ADARB2: variants seen among roughly 807,000 people sequenced by gnomAD.
ADARB2 encodes adenosine deaminase RNA specific B2 (inactive).
In ADARB2, 25 loss-of-function variants were observed where a neutral mutation model predicts 62.2. The observed-to-expected ratio is 0.40, with a 90% confidence interval of 0.29 to 0.56. The LOEUF (loss-of-function observed/expected upper bound fraction) is 0.56, where lower values mean the gene tolerates loss of function less well. Ranked by LOEUF, ADARB2 falls within the 20% of genes least tolerant of loss-of-function variation. The pLI, the probability that ADARB2 is intolerant of heterozygous loss-of-function variation, is 0.43. For synonymous variants in ADARB2, 572 were observed against 500.8 expected, an observed-to-expected ratio of 1.14 and a Z score of -1.90; for missense variants, 1,071 against 1,077.4, an observed-to-expected ratio of 0.99 and a Z score of 0.08.
intron 1 of ADARB2, among the ~76,000 whole-genome samples, chr10:1,628,788 G>A (rs1762376505): frequency 6.6e-6 from 1 of 152,206 alleles, no homozygotes; most frequent in Admixed American, 6.5e-5. Context: ...AAACTATGGA[G>A]AAAAATGAAA....
At chr10:1,600,434 G>C (rs1278017555) in intron 1 of ADARB2, among the ~76,000 whole-genome samples, 4 of 152,054 alleles carry the variant, frequency 2.6e-5, no homozygotes, top group Non-Finnish European at 5.9e-5. Flanking sequence ...GCTGAGATGG[G>C]GGGATCATCT....
At chr10:1,546,997 G>A (rs1456011413) in intron 1 of ADARB2, among the ~76,000 whole-genome samples, 5 of 152,226 alleles carry the variant, frequency 3.3e-5, no homozygotes, top group Non-Finnish European at 7.3e-5. Flanking sequence ...TTAGGAACAG[G>A]TCAGTAAACA....
At chr10:1,533,872 C>A (rs908855958) in intron 1 of ADARB2, among the ~76,000 whole-genome samples, 2 of 152,162 alleles carry the variant, frequency 1.3e-5, no homozygotes, top group Non-Finnish European at 2.9e-5. Context: ...GGCTAGTCCA[C>A]GTTCACCACA....
At chr10:1,531,846 GA>G (rs145279941) in intron 1 of ADARB2, among the ~76,000 whole-genome samples, 11,200 of 148,900 alleles carry the variant, frequency 0.075, 436 homozygotes, top group Non-Finnish European at 0.082. Context: ...CAAAAAAAAA[GA>G]AAAAAAAAAT....
chr10:1,510,598 C>T lies in ADARB2; in HGVS notation c.101-131438G>A, dbSNP rs995632361. On this transcript the variant is annotated intron_variant, in intron 1 of 9. Transcript: ENST00000381312. ...CTTAAACTAACTGTGGGAATCATTT[C>T]TTGGTTGAATTTCATATGCATACAT... Among the ~76,000 whole-genome samples the T allele has an allele frequency of 2.0e-5, 3 of 152,168 alleles. No individual in the cohort carries two copies. The South Asian group carries it at 6.2e-4, about 32-fold the overall frequency.
Position 1,601,272 on chromosome 10 carries a change from T to C in ADARB2, c.100+135779A>G, listed in dbSNP as rs116693073. ...GTGGTCACTGGAGCCCAGGCGTCAA[T>C]GACCAAGTGGAAGATAGGCCAGGTG... On this transcript the variant is annotated intron_variant, in intron 1 of 9. Coordinates refer to ENST00000381312, the MANE Select transcript of ADARB2 (RefSeq NM_018702.4). 2.1e-3 allele frequency among the ~76,000 whole-genome samples: 323 copies of C among 152,286 alleles called. 2 individuals carry two copies. The highest frequency in any genetic ancestry group is 7.5e-3 in the African/African-American group (310 of 41,568).
chr10:1,399,753 T>C (rs1030875591), intron 1 of ADARB2, among the ~76,000 whole-genome samples: 10 of 152,326 alleles, frequency 6.6e-5, no homozygotes, highest in African/African-American at 2.4e-4. Flanking sequence ...AGGGAACCAC[T>C]GACCAGGGAA....
chr10:1,520,227 T>C (rs1832056657), intron 1 of ADARB2, among the ~76,000 whole-genome samples: 1 of 152,222 alleles, frequency 6.6e-6, no homozygotes, highest in South Asian at 2.1e-4. Flanking sequence ...AAAATCCAGT[T>C]TCTGACTGAA....
intron 3 of ADARB2, among the ~76,000 whole-genome samples, chr10:1,289,784 G>A (rs995558758): frequency 3.3e-5 from 5 of 152,246 alleles, no homozygotes; most frequent in South Asian, 2.1e-4. Flanking sequence ...TTCACTCCAC[G>A]GTGGGTGTGC....
chr10:1,396,386 G>A (rs1162885505), intron 1 of ADARB2, among the ~76,000 whole-genome samples: 1 of 152,100 alleles, frequency 6.6e-6, no homozygotes, highest in Non-Finnish European at 1.5e-5. Context: ...GTGAGTTTGG[G>A]CTATTTGAAC....
At chr10:1,207,456 T>C (rs1342527068) in intron 7 of ADARB2, among the ~76,000 whole-genome samples, 1 of 152,142 alleles carries the variant, frequency 6.6e-6, no homozygotes, top group Non-Finnish European at 1.5e-5. Context: ...ACCTACACTC[T>C]GAGATTAGAA....
chr10:1,375,335 C>T (rs12780481), intron 2 of ADARB2, among the ~76,000 whole-genome samples: 17,665 of 152,266 alleles, frequency 0.12, 1,051 homozygotes, highest in East Asian at 0.2. Flanking sequence ...AGGGCAGACA[C>T]GCCTTACAAA....
intron 3 of ADARB2, among the ~76,000 whole-genome samples, chr10:1,327,039 GCCCAGCGCCTCCCCACT>G (rs1831863319): frequency 3.2e-5 from 2 of 62,526 alleles, no homozygotes; most frequent in Non-Finnish European, 6.7e-5. Context: ...CCTCCCCACT[GCCCAGCGCCTCCCCACT>G]GCCCAGCGCC....
At chr10:1,641,786 G>T (rs569261785) in intron 1 of ADARB2, among the ~76,000 whole-genome samples, 7 of 152,344 alleles carry the variant, frequency 4.6e-5, no homozygotes, top group African/African-American at 1.4e-4. Context: ...GCCAAGGTGG[G>T]TGGATCACCT....
intron 3 of ADARB2, among the ~76,000 whole-genome samples, chr10:1,305,924 T>C (rs536380459): frequency 1.1e-3 from 161 of 151,604 alleles, no homozygotes; most frequent in African/African-American, 3.8e-3. Flanking sequence ...GAGCTATCTA[T>C]GACAAACCCA....
intron 3 of ADARB2, among the ~76,000 whole-genome samples, chr10:1,309,720 T>G (rs1211387026): frequency 6.6e-6 from 1 of 152,176 alleles, no homozygotes; most frequent in Non-Finnish European, 1.5e-5. Flanking sequence ...TCCAGGCTGG[T>G]GGGGCTGGAG....
chr10:1,566,667 C>CTT (rs1428118419), intron 1 of ADARB2, among the ~76,000 whole-genome samples: 3 of 152,296 alleles, frequency 2.0e-5, no homozygotes, highest in African/African-American at 7.2e-5. Context: ...ATTTGTGTCA[C>CTT]TTTGTTAGAT....
Position 1,541,802 on chromosome 10 carries a change from C to T in ADARB2, c.101-162642G>A, listed in dbSNP as rs1201059837. On this transcript the variant is annotated intron_variant, in intron 1 of 9. Transcript: ENST00000381312. The stretch of plus-strand genomic sequence containing the variant: ...GACCCTGGATCACAGCCGCCCAGAC[C>T]GCACTCAGATGTAGTTCAGACCCTG... Among the ~76,000 whole-genome samples the T allele has an allele frequency of 6.7e-5, 3 of 45,078 alleles. 1 individual carries two copies. The highest frequency in any genetic ancestry group is 1.3e-4 in the Non-Finnish European group (3 of 23,594). 29.6% of individuals were successfully genotyped at this position (45,078 alleles called of 152,430 possible). A position where few individuals can be genotyped will look rare whatever the true frequency, so the allele number is the denominator to read the frequency against.
intron 5 of ADARB2, among the ~76,000 whole-genome samples, chr10:1,239,713 T>C (rs1554747071): frequency 2.3e-4 from 1 of 4,346 alleles, no homozygotes; most frequent in Non-Finnish European, 3.6e-4. Flanking sequence ...TCCCGGTGTT[T>C]ACTCCCCCCT....
Sources: gnomAD v4.1 joint callset for allele counts (sites outside exome capture counted in the v4.1 genomes callset) on GRCh38, gnomAD v4.1.1 for gene constraint, MANE v1.5 for transcripts, NCBI Gene and HGNC (gene_info 2026-07-23, HGNC 2026-07-21) for gene names.